DNMT3A: variants seen among roughly 807,000 people sequenced by gnomAD.
The protein encoded by DNMT3A is DNA (cytosine-5)-methyltransferase 3A.
DNMT3A carries 267 observed loss-of-function variants against 117.6 expected under a neutral mutation model. That is an observed-to-expected ratio of 2.27 (90% confidence interval 2.05 to 2.51). The LOEUF is 2.51. DNMT3A is among the 30% of genes most tolerant of loss of function. The pLI is 0.00. For missense variants in DNMT3A, 1,029 were observed against 1,260.2 expected (o/e 0.82, Z 2.78); for synonymous variants, 432 against 474.8 (o/e 0.91, Z 1.17).
chr2:25,274,977 G>A lies in DNMT3A; in HGVS notation c.603C>T (p.Arg201=). 1.9e-6 allele frequency: 3 copies of A among 1,613,798 alleles called. No individual in the cohort carries two copies. Among genetic ancestry groups the A allele is most frequent in the South Asian group, 2.2e-5 (2 of 91,066 alleles). The change falls in exon 6 of 23, where the codon CGC becomes CGT. Residue 201 remains arginine (R), a synonymous_variant. Transcript: ENST00000321117. ...QAGDPYYISK[R]KRDEWLARWK... ...AGCGTGCCAGCCACTCGTCCCGCTT[G>A]CGCTTGCTGATGTAGTAGGGGTCCC...
intron 2 of DNMT3A, among the ~76,000 whole-genome samples, chr2:25,300,719 AT>A (rs35757364): frequency 1.2e-3 from 8 of 6,708 alleles, no homozygotes; most frequent in African/African-American, 4.1e-3. Flanking sequence ...TATAATATAT[AT>A]ATATATATAT....
rs1335573596 is a variant in DNMT3A, at chr2:25,236,698, G to A, written c.2478+238C>T. 6.6e-6 allele frequency among the ~76,000 whole-genome samples: 1 copy of A among 152,214 alleles called. No homozygotes were observed. On this transcript the variant is annotated intron_variant, in intron 21 of 22. Transcript: ENST00000321117. The surrounding 1 kb of genome is among the most constrained non-coding windows in gnomAD (Gnocchi z 4.5). ...CACAGCACAACCAGGTCTTGGTAAA[G>A]ACTCCTCAGTGTCTACCGGGGGTGA...
intron 1 of DNMT3A, among the ~76,000 whole-genome samples, chr2:25,331,895 G>T (rs1230166108): frequency 7.2e-6 from 1 of 138,604 alleles, no homozygotes; most frequent in Non-Finnish European, 1.5e-5. Context: ...TGCTCTCTCC[G>T]ACTCCCCCCA....
In DNMT3A at chr2:25,252,086, G is replaced by A. The variant is rs1267419634; in HGVS notation, c.640-3834C>T. 1.4e-6 allele frequency: 2 copies of A among 1,399,020 alleles called. No individual in the cohort carries two copies. The highest frequency in any genetic ancestry group is 1.5e-5 in the African/African-American group (1 of 68,078). The allele number at this position is 1,399,020 out of a possible 1,614,324, so 86.7% of individuals were successfully genotyped here. On this transcript the variant is annotated intron_variant, in intron 6 of 22. Coordinates refer to ENST00000321117, the MANE Select transcript of DNMT3A (RefSeq NM_022552.5). This position sits in a 1 kb window ranked among gnomAD's most constrained non-coding sequence, Gnocchi z 5.5. The stretch of plus-strand genomic sequence containing the variant: ...GGGACGCCGCGGCTGCTGCGGGCCG[G>A]GGAGGCATACTTCACTCTTTTCAAA...
Position 25,231,262 on chromosome 2 carries a change from G to T in DNMT3A, c.*3017C>A. The T allele has an allele frequency of 6.6e-6, 1 of 152,420 alleles. No individual in the cohort carries two copies. The allele number at this position is 152,420 out of a possible 1,614,324, so 9.4% of individuals were successfully genotyped here. A position where few individuals can be genotyped will look rare whatever the true frequency, so the allele number is the denominator to read the frequency against. On this transcript the variant is annotated 3_prime_UTR_variant, in exon 23 of 23. Coordinates refer to ENST00000321117, the MANE Select transcript of DNMT3A (RefSeq NM_022552.5). Reference sequence around the variant, plus strand: ...AAGGACAGAGCCCCGCGGGAGCAAGGAGGAGCTGGGTGAGCACCACAGTTA... The same window carrying T: ...AAGGACAGAGCCCCGCGGGAGCAAGTAGGAGCTGGGTGAGCACCACAGTTA...
At chr2:25,283,990 TGTATATATATTCA>T (rs2032089973) in intron 3 of DNMT3A, among the ~76,000 whole-genome samples, 1 of 152,120 alleles carries the variant, frequency 6.6e-6, no homozygotes, top group African/African-American at 2.4e-5. Flanking sequence ...TGCTCTGCTG[TGTATATATATTCA>T]GTCCTCAGCC....
intron 3 of DNMT3A, among the ~76,000 whole-genome samples, chr2:25,284,683 CAA>C (rs11463858): frequency 1.1e-4 from 7 of 61,956 alleles, no homozygotes; most frequent in African/African-American, 3.0e-4. Flanking sequence ...AAAGACTATA[CAA>C]AAAAAAAAAA....
Position 25,240,307 on chromosome 2 carries a change from G to T in DNMT3A, c.2317C>A (p.Leu773Ile), listed in dbSNP as rs754336556. 2 of 1,614,170 alleles carry T rather than the reference G, an allele frequency of 1.2e-6. No individual in the cohort carries two copies. Among genetic ancestry groups the T allele is most frequent in the Non-Finnish European group, 1.7e-6 (2 of 1,180,018 alleles). ...VSDKRDISRF[L>I]ESNPVMIDAK... The stretch of plus-strand genomic sequence containing the variant: ...ACCAAGGTTGCTGGCTATACCTCGA[G>T]AAATCGCGAGATGTCCCTCTTGTCA... The change falls in exon 19 of 23, where the codon CTC becomes ATC. Residue 773 changes from leucine (L) to isoleucine (I), a missense_variant. Transcript: ENST00000321117.
intron 6 of DNMT3A, among the ~76,000 whole-genome samples, chr2:25,273,587 T>C (rs1315755175): frequency 6.6e-6 from 1 of 152,110 alleles, no homozygotes; most frequent in Non-Finnish European, 1.5e-5. Flanking sequence ...TGTACCCAGT[T>C]CTCTACTAAT....
chr2:25,274,735 C>T (rs893017822), intron 6 of DNMT3A, among the ~76,000 whole-genome samples: 9 of 152,238 alleles, frequency 5.9e-5, no homozygotes, highest in African/African-American at 1.2e-4. Context: ...GAACCGTATA[C>T]GCCCAGGGTC....
In DNMT3A at chr2:25,237,810, C is replaced by T. The variant is rs1025894868; in HGVS notation, c.2409-805G>A. 2.6e-5 allele frequency among the ~76,000 whole-genome samples: 4 copies of T among 151,920 alleles called. No individual in the cohort carries two copies. Among genetic ancestry groups the T allele is most frequent in the East Asian group, 1.9e-4 (1 of 5,198 alleles). The stretch of plus-strand genomic sequence containing the variant: ...CTTAAATTCTGCAGTTCCCTAAAGA[C>T]CAAAAATTCTGTGACATTAAATATG... On this transcript the variant is annotated intron_variant, in intron 20 of 22. Coordinates refer to ENST00000321117, the MANE Select transcript of DNMT3A (RefSeq NM_022552.5). The surrounding 1 kb of genome is among the most constrained non-coding windows in gnomAD (Gnocchi z 5.4).
At position 25,237,057 on chromosome 2, in the gene DNMT3A, AG is replaced by A; in HGVS notation, c.2409-53del. The A allele has an allele frequency of 6.3e-7, 1 of 1,582,104 alleles. No homozygotes were observed. Among genetic ancestry groups the A allele is most frequent in the Non-Finnish European group, 8.6e-7 (1 of 1,159,656 alleles). ...AACAGAAACCTGGATAACAGCGGGA[AG>A]GGCCCCAGCTGCACGACTCCCCTCC... is the stretch of plus-strand genomic sequence containing the variant. On this transcript the variant is annotated intron_variant, in intron 20 of 22. Transcript: ENST00000321117. This position sits in a 1 kb window ranked among gnomAD's most constrained non-coding sequence, Gnocchi z 5.4.
rs916780724 is a variant in DNMT3A, at chr2:25,286,754, C to T, written c.178-4043G>A. ...TCTCTGGGGAAGAGCTGGGTGCTCA[C>T]TGAAGGAGCCATCCCTGGTGAGAAG... is the stretch of plus-strand genomic sequence containing the variant. On this transcript the variant is annotated intron_variant, in intron 3 of 22. Transcript: ENST00000321117. This position sits in a 1 kb window ranked among gnomAD's most constrained non-coding sequence, Gnocchi z 4.3. Among the ~76,000 whole-genome samples the T allele has an allele frequency of 6.6e-6, 1 of 152,238 alleles. No homozygotes were observed. Among genetic ancestry groups the T allele is most frequent in the Non-Finnish European group, 1.5e-5 (1 of 68,040 alleles).
intron 1 of DNMT3A, among the ~76,000 whole-genome samples, chr2:25,336,982 G>A (rs1471958888): frequency 6.6e-6 from 1 of 152,108 alleles, no homozygotes; most frequent in Non-Finnish European, 1.5e-5. Flanking sequence ...GCAGTTCTTC[G>A]TTAGCTGGGC....
chr2:25,323,606 G>A (rs1297527411), intron 1 of DNMT3A, among the ~76,000 whole-genome samples: 1 of 152,180 alleles, frequency 6.6e-6, no homozygotes, highest in African/African-American at 2.4e-5. Flanking sequence ...CCCTAAAAAT[G>A]CTTCCAAGAG....
chr2:25,249,090 A>G (rs1449549605), intron 6 of DNMT3A, among the ~76,000 whole-genome samples: 2 of 152,100 alleles, frequency 1.3e-5, no homozygotes, highest in Non-Finnish European at 2.9e-5. Flanking sequence ...TATTGGTTCC[A>G]CCCTCTCCTA....
chr2:25,270,137 C>T (rs979963399), intron 6 of DNMT3A, among the ~76,000 whole-genome samples: 1 of 152,216 alleles, frequency 6.6e-6, no homozygotes, highest in Non-Finnish European at 1.5e-5. Flanking sequence ...CGCTGTGCAC[C>T]ACCACAACAA....
intron 6 of DNMT3A, among the ~76,000 whole-genome samples, chr2:25,255,780 G>A (rs1402654136): frequency 1.3e-5 from 2 of 152,192 alleles, no homozygotes; most frequent in Non-Finnish European, 2.9e-5. Context: ...ATTCTGGGGT[G>A]CATCATTCTC....
At chr2:25,267,560 C>CAGGA (rs1215365201) in intron 6 of DNMT3A, among the ~76,000 whole-genome samples, 1 of 152,230 alleles carries the variant, frequency 6.6e-6, no homozygotes, top group African/African-American at 2.4e-5. Flanking sequence ...GCCAATGGAG[C>CAGGA]AGGACCCTGT....
Sources: gnomAD v4.1 joint callset for allele counts (sites outside exome capture counted in the v4.1 genomes callset) on GRCh38, gnomAD v4.1.1 for gene constraint, Gnocchi (gnomAD v3.1) non-coding constraint, MANE v1.5 for transcripts, NCBI Gene and HGNC (gene_info 2026-07-23, HGNC 2026-07-21) for gene names.